SPATA17: variants seen among roughly 807,000 people sequenced by gnomAD.
SPATA17 encodes spermatogenesis-associated protein 17.
In SPATA17, 53 loss-of-function variants were observed where a neutral mutation model predicts 62.2. The observed-to-expected ratio is 0.85, with a 90% CI of 0.68 to 1.07. SPATA17 has a LOEUF of 1.07. Ranked by LOEUF, SPATA17 falls within the 50% of genes least tolerant of loss-of-function variation. The pLI, the probability that SPATA17 is intolerant of heterozygous loss-of-function variation, is 0.00. For synonymous variants in SPATA17, 146 were observed against 146.8 expected, an observed-to-expected ratio of 0.99 and a Z score of 0.04; for missense variants, 466 against 425.5, an observed-to-expected ratio of 1.10 and a Z score of -0.84.
intron 5 of SPATA17, among the ~76,000 whole-genome samples, chr1:217,725,037 A>G (rs1672230403): frequency 6.6e-6 from 1 of 152,132 alleles, no homozygotes; most frequent in Non-Finnish European, 1.5e-5. Context: ...TCTTCTTTGC[A>G]TGATTTTAAG....
intron 5 of SPATA17, among the ~76,000 whole-genome samples, chr1:217,727,800 T>C (rs1174000173): frequency 6.6e-6 from 1 of 152,192 alleles, no homozygotes; most frequent in Non-Finnish European, 1.5e-5. Flanking sequence ...TCAATAGACC[T>C]CAGCATGAAT....
chr1:217,860,217 T>C (rs1482317054), intron 9 of SPATA17, among the ~76,000 whole-genome samples: 17 of 152,206 alleles, frequency 1.1e-4, no homozygotes, highest in Admixed American at 1.1e-3. Flanking sequence ...TCCAGCAATC[T>C]TTCTGTTACT....
intron 1 of SPATA17, among the ~76,000 whole-genome samples, chr1:217,638,112 A>C (rs1669979430): frequency 6.6e-6 from 1 of 152,116 alleles, no homozygotes; most frequent in Admixed American, 6.5e-5. Flanking sequence ...CGAAAAGGTA[A>C]TTGAAAAATT....
At chr1:217,809,911 T>G (rs1018282106) in intron 9 of SPATA17, among the ~76,000 whole-genome samples, 1 of 152,242 alleles carries the variant, frequency 6.6e-6, no homozygotes, top group Non-Finnish European at 1.5e-5. Context: ...AATTTCATAT[T>G]TTAAACATGT....
intron 5 of SPATA17, among the ~76,000 whole-genome samples, chr1:217,704,229 C>A (rs1239600178): frequency 1.3e-4 from 7 of 53,246 alleles, no homozygotes; most frequent in Admixed American, 1.2e-3. Context: ...CTTCCCTCTA[C>A]CTTTTTTTTT....
intron 9 of SPATA17, among the ~76,000 whole-genome samples, chr1:217,827,111 G>A (rs1675017485): frequency 6.6e-6 from 1 of 151,640 alleles, no homozygotes; most frequent in Admixed American, 6.6e-5. Context: ...CTGTTTTCAT[G>A]GTGTATTAGA....
intron 5 of SPATA17, among the ~76,000 whole-genome samples, chr1:217,714,484 G>GTTTTTTTTTTTTTTTTTTTTTTTT (rs1456324571): frequency 1.6e-5 from 2 of 124,000 alleles, no homozygotes; most frequent in Non-Finnish European, 1.7e-5. Context: ...TGGAAAACGT[G>GTTTTTTTTTTTTTTTTTTTTTTTT]TTTCTTTTTT....
At chr1:217,769,578 A>C (rs1017485517) in intron 6 of SPATA17, among the ~76,000 whole-genome samples, 1 of 152,200 alleles carries the variant, frequency 6.6e-6, no homozygotes, top group Non-Finnish European at 1.5e-5. Flanking sequence ...TACTTTTTCA[A>C]CTTTCTGGGA....
intron 9 of SPATA17, among the ~76,000 whole-genome samples, chr1:217,834,959 A>G (rs1675228977): frequency 6.6e-6 from 1 of 152,152 alleles, no homozygotes. Flanking sequence ...AGATACATAG[A>G]TACTTATAAT....
chr1:217,678,481 T>A (rs1020480958), intron 4 of SPATA17, among the ~76,000 whole-genome samples: 2 of 151,964 alleles, frequency 1.3e-5, no homozygotes, highest in South Asian at 2.1e-4. Context: ...GCACAGGGAT[T>A]ACAGGCATGA....
At chr1:217,644,655 TATTGTC>T (rs1670140769) in intron 1 of SPATA17, among the ~76,000 whole-genome samples, 1 of 152,082 alleles carries the variant, frequency 6.6e-6, no homozygotes, top group Admixed American at 6.6e-5. Flanking sequence ...ATTTTCTACT[TATTGTC>T]AGTTCATTTC....
chr1:217,702,951 A>G (rs2102920749), intron 5 of SPATA17, among the ~76,000 whole-genome samples: 1 of 151,032 alleles, frequency 6.6e-6, no homozygotes, highest in African/African-American at 2.4e-5. Flanking sequence ...ATCTCGGCTC[A>G]CTACAACTTC....
intron 1 of SPATA17, among the ~76,000 whole-genome samples, chr1:217,645,198 A>G (rs1670152206): frequency 6.6e-6 from 1 of 152,114 alleles, no homozygotes; most frequent in Non-Finnish European, 1.5e-5. Flanking sequence ...AATTCTTATT[A>G]ATATAACATA....
intron 9 of SPATA17, among the ~76,000 whole-genome samples, chr1:217,841,575 C>T (rs1301649829): frequency 1.3e-5 from 2 of 151,896 alleles, no homozygotes; most frequent in African/African-American, 4.8e-5. Context: ...GTTTTGATAT[C>T]ATGTTGGTAT....
At chr1:217,767,969 C>T (rs544774616) in intron 6 of SPATA17, among the ~76,000 whole-genome samples, 4 of 152,206 alleles carry the variant, frequency 2.6e-5, no homozygotes, top group South Asian at 2.1e-4. Flanking sequence ...AATGTGGGCC[C>T]GGCGCAGTGG....
At chr1:217,684,630 G>C (rs1020558548) in intron 5 of SPATA17, among the ~76,000 whole-genome samples, 2 of 152,034 alleles carry the variant, frequency 1.3e-5, no homozygotes, top group East Asian at 1.9e-4. Context: ...TGGCCAGGCT[G>C]GTCTTGAACT....
chr1:217,863,631 A>G lies in SPATA17; in HGVS notation c.*2+775A>G, dbSNP rs928035047. The stretch of plus-strand genomic sequence containing the variant: ...ATGGAATATAGAATCCTGATTATCA[A>G]TGTTTAGAAGATATATAAGAATAAA... On this transcript the variant is annotated intron_variant, in intron 10 of 10. Coordinates refer to ENST00000366933, the MANE Select transcript of SPATA17 (RefSeq NM_138796.4). Among the ~76,000 whole-genome samples, 48 of 152,148 alleles carry G rather than the reference A, an allele frequency of 3.2e-4. 1 individual carries two copies. The highest frequency in any genetic ancestry group is 2.6e-3 in the Admixed American group (39 of 15,256).
chr1:217,732,208 G>T (rs2102941937), intron 5 of SPATA17, among the ~76,000 whole-genome samples: 1 of 152,188 alleles, frequency 6.6e-6, no homozygotes, highest in Middle Eastern at 3.4e-3. Context: ...AGCTGTAAAA[G>T]AATTGCTCAA....
At chr1:217,861,728 A>G (rs552184371) in intron 9 of SPATA17, among the ~76,000 whole-genome samples, 13 of 152,232 alleles carry the variant, frequency 8.5e-5, no homozygotes, top group African/African-American at 2.9e-4. Context: ...ATATTAATTA[A>G]TTTGCCTTTT....
Sources: allele counts gnomAD v4.1 joint callset (sites outside exome capture counted in the v4.1 genomes callset), GRCh38; gene constraint gnomAD v4.1.1; transcripts MANE v1.5; gene names NCBI Gene and HGNC (gene_info 2026-07-23, HGNC 2026-07-21).